The following RTL4 variants were observed in gnomAD, a reference collection of about 807,000 sequenced individuals.
The protein encoded by RTL4 is retrotransposon Gag-like protein 4.
RTL4 carries 4 observed loss-of-function variants against 5.3 expected under a neutral mutation model. The ratio of observed to expected loss-of-function variants is 0.75; its 90% CI spans 0.37 to 1.72. The LOEUF is 1.72. Among genes scored for constraint, RTL4 ranks in the 40% most tolerant of loss-of-function variants. The pLI, the probability that RTL4 is intolerant of heterozygous loss-of-function variation, is 0.04. For missense variants in RTL4, 260 were observed against 227.1 expected (o/e 1.14, Z -0.93); for synonymous variants, 98 against 87.3 (o/e 1.12, Z -0.68).
chrX:112,106,409 A>T, the RTL4 span, among the ~76,000 whole-genome samples: 4 of 111,860 alleles, frequency 3.6e-5, no homozygotes, highest in Non-Finnish European at 3.8e-5. Flanking sequence ...CTTGAGAGGG[A>T]TAGGTATTAA....
chrX:112,357,366 T>A, the RTL4 span, among the ~76,000 whole-genome samples: 1 of 111,548 alleles, frequency 9.0e-6, no homozygotes, highest in African/African-American at 3.3e-5. Flanking sequence ...GATACTGTGC[T>A]TTTATTGACC....
At chrX:112,310,676 T>C in the RTL4 span, among the ~76,000 whole-genome samples, 1 of 68,886 alleles carries the variant, frequency 1.5e-5, no homozygotes, top group African/African-American at 6.2e-5. Context: ...TTATGTATTA[T>C]ATATTATATA....
chrX:112,298,398 GC>G, the RTL4 span, among the ~76,000 whole-genome samples: 1 of 111,802 alleles, frequency 8.9e-6, no homozygotes, highest in African/African-American at 3.3e-5. Flanking sequence ...ATGAAATTCT[GC>G]CTCTAAACTA....
chrX:112,208,321 T>A, the RTL4 span, among the ~76,000 whole-genome samples: 1 of 112,109 alleles, frequency 8.9e-6, no homozygotes, highest in African/African-American at 3.2e-5. Context: ...ACAAGACATG[T>A]TTGATCTAAA....
chrX:112,326,269 A>G, the RTL4 span, among the ~76,000 whole-genome samples: 2 of 111,541 alleles, frequency 1.8e-5, no homozygotes, highest in Non-Finnish European at 3.8e-5. Flanking sequence ...GGAGTGCCAG[A>G]CAGTGGGCGC....
chrX:112,437,386 C>T, the RTL4 span, among the ~76,000 whole-genome samples: 2 of 111,844 alleles, frequency 1.8e-5, no homozygotes, highest in East Asian at 5.6e-4. Flanking sequence ...TAATTTAGTT[C>T]TGTACATTTC....
chrX:112,185,376 A>T, the RTL4 span, among the ~76,000 whole-genome samples: 206 of 85,278 alleles, frequency 2.4e-3, no homozygotes, highest in African/African-American at 6.6e-3. Flanking sequence ...CTATTTTATT[A>T]ATATATATAT....
chrX:112,189,075 A>G, the RTL4 span, among the ~76,000 whole-genome samples: 1 of 110,958 alleles, frequency 9.0e-6, no homozygotes, highest in Non-Finnish European at 1.9e-5. Context: ...GAAAGACACA[A>G]TCCCAAGCGC....
chrX:112,118,719 AT>A, the RTL4 span, among the ~76,000 whole-genome samples: 6 of 111,901 alleles, frequency 5.4e-5, no homozygotes, highest in Admixed American at 5.7e-4. Context: ...GCACATATTT[AT>A]GAGTATGAAG....
At chrX:112,131,219 C>CTTTT in the RTL4 span, among the ~76,000 whole-genome samples, 417 of 99,531 alleles carry the variant, frequency 4.2e-3, no homozygotes, top group African/African-American at 0.014. Context: ...ATGTAAATAC[C>CTTTT]TTTTTTTTTT....
the RTL4 span, among the ~76,000 whole-genome samples, chrX:112,209,837 C>T: frequency 1.2e-4 from 13 of 111,608 alleles, no homozygotes; most frequent in Non-Finnish European, 1.5e-4. Context: ...CCACCAAAGC[C>T]CAGTAACAGT....
chrX:112,351,324 T>G, the RTL4 span, among the ~76,000 whole-genome samples: 4 of 99,145 alleles, frequency 4.0e-5, no homozygotes, highest in Non-Finnish European at 7.6e-5. Context: ...GGTGTGGTGC[T>G]GAAAAAAATG....
chrX:112,370,090 T>A, the RTL4 span, among the ~76,000 whole-genome samples: 1 of 111,666 alleles, frequency 9.0e-6, no homozygotes, highest in East Asian at 2.8e-4. Flanking sequence ...GTAAATCAAG[T>A]TTGGAGAGTG....
the RTL4 span, among the ~76,000 whole-genome samples, chrX:112,225,863 C>A: frequency 8.9e-6 from 1 of 111,863 alleles, no homozygotes; most frequent in African/African-American, 3.3e-5. Context: ...TGGCCCCTAC[C>A]CTGGAGTGTT....
chrX:112,307,775 A>G, the RTL4 span, among the ~76,000 whole-genome samples: 1 of 111,961 alleles, frequency 8.9e-6, no homozygotes, highest in East Asian at 2.8e-4. Context: ...TTAATCTTGT[A>G]ATGATATTTA....
chrX:112,234,515 C>T, the RTL4 span, among the ~76,000 whole-genome samples: 1 of 111,562 alleles, frequency 9.0e-6, no homozygotes, highest in Non-Finnish European at 1.9e-5. Flanking sequence ...ACTAGGAGCC[C>T]CTGGCTTTGG....
At chrX:112,348,410 G>T in the RTL4 span, among the ~76,000 whole-genome samples, 5 of 103,500 alleles carry the variant, frequency 4.8e-5, no homozygotes, top group African/African-American at 1.8e-4. Context: ...GGTGATCCTT[G>T]GTATTTCTTT....
At chrX:112,360,281 A>G in the RTL4 span, among the ~76,000 whole-genome samples, 1 of 111,529 alleles carries the variant, frequency 9.0e-6, no homozygotes, top group Admixed American at 9.5e-5. Context: ...TTCCAGATCC[A>G]CTTATCCTTC....
chrX:112,187,255 C>G, the RTL4 span, among the ~76,000 whole-genome samples: 18 of 112,370 alleles, frequency 1.6e-4, no homozygotes, highest in East Asian at 4.2e-3. Context: ...CAATTACTCT[C>G]TTTGAGTGAG....
Sources: gnomAD v4.1 joint callset for allele counts (sites outside exome capture counted in the v4.1 genomes callset) on GRCh38, gnomAD v4.1.1 for gene constraint, MANE v1.5 for transcripts, NCBI Gene and HGNC (gene_info 2026-07-23, HGNC 2026-07-21) for gene names.